EPC2: variants seen among roughly 807,000 people sequenced by gnomAD.
EPC2 encodes the protein enhancer of polycomb 2.
Under a neutral mutation model 92.1 loss-of-function variants are expected in EPC2, and 14 were observed. That is an observed-to-expected ratio of 0.15 (90% CI 0.10 to 0.24). The LOEUF is 0.24. Ranked by LOEUF, EPC2 falls within the 10% of genes least tolerant of loss-of-function variation. The pLI is 1.00. For missense variants in EPC2, 755 were observed against 971.5 expected (o/e 0.78, Z 2.96); for synonymous variants, 340 against 334.7 (o/e 1.02, Z -0.17).
intron 1 of EPC2, among the ~76,000 whole-genome samples, chr2:148,670,910 T>A (rs1007080485): frequency 6.6e-6 from 1 of 152,172 alleles, no homozygotes; most frequent in African/African-American, 2.4e-5. Flanking sequence ...TGTCTTGAAC[T>A]CCTAGGCTAA....
chr2:148,662,568 C>CA (rs1225944608), intron 1 of EPC2, among the ~76,000 whole-genome samples: 1 of 150,470 alleles, frequency 6.6e-6, no homozygotes, highest in Non-Finnish European at 1.5e-5. Flanking sequence ...ATCGCAAGGA[C>CA]AAAAAACCAA....
At chr2:148,728,817 G>A (rs1214330492) in intron 2 of EPC2, among the ~76,000 whole-genome samples, 2 of 151,506 alleles carry the variant, frequency 1.3e-5, no homozygotes, top group East Asian at 1.9e-4. Flanking sequence ...CAGATCACGA[G>A]GTCGGGAGAT....
At chr2:148,747,396 A>G (rs1174152735) in intron 3 of EPC2, among the ~76,000 whole-genome samples, 1 of 151,658 alleles carries the variant, frequency 6.6e-6, no homozygotes, top group Non-Finnish European at 1.5e-5. Flanking sequence ...ATTTTCACTT[A>G]TCTCCTCTCT....
chr2:148,662,562 C>T (rs1680960105), intron 1 of EPC2, among the ~76,000 whole-genome samples: 2 of 151,618 alleles, frequency 1.3e-5, no homozygotes, highest in South Asian at 4.2e-4. Flanking sequence ...CAAACTATCG[C>T]AAGGACAAAA....
intron 2 of EPC2, among the ~76,000 whole-genome samples, chr2:148,712,161 T>C (rs999803824): frequency 3.3e-5 from 5 of 152,270 alleles, no homozygotes; most frequent in South Asian, 4.1e-4. Flanking sequence ...TCTTCTACAC[T>C]TTTTGTGCTT....
intron 2 of EPC2, among the ~76,000 whole-genome samples, chr2:148,705,240 C>G (rs975965489): frequency 6.6e-6 from 1 of 152,072 alleles, no homozygotes; most frequent in African/African-American, 2.4e-5. Flanking sequence ...TCTATAGATT[C>G]TAACTCTTAA....
At chr2:148,721,382 C>T (rs559414114) in intron 2 of EPC2, among the ~76,000 whole-genome samples, 93 of 152,028 alleles carry the variant, frequency 6.1e-4, no homozygotes, top group Admixed American at 1.2e-3. Context: ...GTTCTTACTT[C>T]CATGATTTCT....
intron 1 of EPC2, among the ~76,000 whole-genome samples, chr2:148,665,717 G>A (rs1323636421): frequency 2.0e-5 from 3 of 152,094 alleles, no homozygotes; most frequent in Non-Finnish European, 4.4e-5. Flanking sequence ...TACTCAGTCC[G>A]TTAAAGCCAT....
intron 1 of EPC2, among the ~76,000 whole-genome samples, chr2:148,674,615 C>T (rs1036476647): frequency 6.6e-6 from 1 of 152,204 alleles, no homozygotes. Flanking sequence ...CAGGCAGACT[C>T]CTGAAAAGCC....
chr2:148,777,956 C>A lies in EPC2; in HGVS notation c.1721-3688C>A, dbSNP rs190415688. ...AGAAATGCAAGTATGTTACTAACGT[C>A]CTGAATGACATATTTGGGTATATAA... On this transcript the variant is annotated intron_variant, in intron 10 of 13. Coordinates refer to ENST00000258484, the MANE Select transcript of EPC2 (RefSeq NM_015630.4). Among the ~76,000 whole-genome samples the A allele has an allele frequency of 1.8e-4, 28 of 152,166 alleles. 1 individual carries two copies. Among genetic ancestry groups the A allele is most frequent in the African/African-American group, 6.5e-4 (27 of 41,530 alleles).
chr2:148,750,542 C>T (rs758238057), intron 3 of EPC2, among the ~76,000 whole-genome samples: 11 of 152,010 alleles, frequency 7.2e-5, no homozygotes, highest in Non-Finnish European at 1.5e-4. Context: ...TTAATTTATG[C>T]AGAATACTCA....
In EPC2 at chr2:148,652,468, T is replaced by C. The variant is rs192060468; in HGVS notation, c.153+7298T>C. Among the ~76,000 whole-genome samples the C allele has an allele frequency of 5.3e-5, 8 of 152,344 alleles. No individual in the cohort carries two copies. The South Asian group carries it at 6.2e-4, about 12-fold the overall frequency. The stretch of plus-strand genomic sequence containing the variant: ...AAAAAAAGCAAACTCTTCACACTTA[T>C]TAATTTTCAAAGTTGTAAGGGATGA... On this transcript the variant is annotated intron_variant, in intron 1 of 13. Transcript: ENST00000258484.
In EPC2 at chr2:148,775,971, C is replaced by CG. The variant is rs1380446158; in HGVS notation, c.1720+4584_1720+4585insG. Among the ~76,000 whole-genome samples, 6 of 151,612 alleles carry CG rather than the reference C, an allele frequency of 4.0e-5. No homozygotes were observed. The East Asian group carries it at 7.8e-4, about 20-fold the overall frequency. ...TGTTTTTGTATTTTTTTAGTAGAGA[C>CG]AGGGTTTCACTGTGTTAGCCAGGAT... On this transcript the variant is annotated intron_variant, in intron 10 of 13. Transcript: ENST00000258484.
chr2:148,700,300 A>G (rs1177799724), intron 2 of EPC2, among the ~76,000 whole-genome samples: 1 of 152,118 alleles, frequency 6.6e-6, no homozygotes, highest in African/African-American at 2.4e-5. Flanking sequence ...TCATCATCAA[A>G]CCCAAGGTCC....
intron 2 of EPC2, among the ~76,000 whole-genome samples, chr2:148,720,250 G>T (rs972443952): frequency 3.9e-5 from 6 of 152,226 alleles, no homozygotes; most frequent in African/African-American, 1.4e-4. Context: ...CCACTGGGGG[G>T]ACCCTTTCTC....
chr2:148,707,512 C>T lies in EPC2; in HGVS notation c.313+17139C>T, dbSNP rs369694798. On this transcript the variant is annotated intron_variant, in intron 2 of 13. Coordinates refer to ENST00000258484, the MANE Select transcript of EPC2 (RefSeq NM_015630.4). ...AACAAGCAGACCTAATAGACATCTA[C>T]GGAACTCTCCACCCCAAATCAACAG... Among the ~76,000 whole-genome samples the T allele has an allele frequency of 7.2e-5, 11 of 152,314 alleles. No homozygotes were observed. The East Asian group carries it at 9.6e-4, about 13-fold the overall frequency.
chr2:148,720,945 C>T (rs1440953011), intron 2 of EPC2, among the ~76,000 whole-genome samples: 1 of 152,140 alleles, frequency 6.6e-6, no homozygotes, highest in Non-Finnish European at 1.5e-5. Context: ...GGCCCTGTCC[C>T]CAGAATTGCT....
chr2:148,761,016 G>A (rs1276340297), intron 4 of EPC2, among the ~76,000 whole-genome samples: 1 of 152,150 alleles, frequency 6.6e-6, no homozygotes, highest in Non-Finnish European at 1.5e-5. Context: ...GGAATCTGTG[G>A]ATGTTTAACA....
chr2:148,768,542 A>G (rs1033149093), intron 7 of EPC2, among the ~76,000 whole-genome samples: 5 of 152,112 alleles, frequency 3.3e-5, no homozygotes, highest in Non-Finnish European at 7.4e-5. Context: ...CTCTATAACC[A>G]ATGTGCTTAC....
Sources: allele counts gnomAD v4.1 joint callset (sites outside exome capture counted in the v4.1 genomes callset), GRCh38; gene constraint gnomAD v4.1.1; transcripts MANE v1.5; gene names NCBI Gene and HGNC (gene_info 2026-07-23, HGNC 2026-07-21).